TBX6: variants seen among roughly 807,000 people sequenced by gnomAD.
TBX6 encodes T-box transcription factor 6.
In TBX6, 29 loss-of-function variants were observed where a neutral mutation model predicts 42.3. The observed-to-expected ratio is 0.69, with a 90% CI of 0.51 to 0.93. The LOEUF is 0.93. TBX6 is among the 40% of genes least tolerant of loss of function. TBX6 has a pLI of 0.00. For synonymous variants in TBX6, 249 were observed against 245.1 expected, an observed-to-expected ratio of 1.02 and a Z score of -0.15; for missense variants, 569 against 603.3, an observed-to-expected ratio of 0.94 and a Z score of 0.59.
Position 30,086,686 on chromosome 16 carries a change from C to T in TBX6, c.923G>A (p.Gly308Asp). The part of the protein sequence containing the change: ...TEAYGSGDTP[G>D]GPCDSTLGGD... Reference sequence around the variant, plus strand: ...ACCCAGGGTGGAGTCGCAGGGACCACCTGGTGTGTCTGGGGAGAGGGAAGG... The same window carrying T: ...ACCCAGGGTGGAGTCGCAGGGACCATCTGGTGTGTCTGGGGAGAGGGAAGG... Residue 308 changes from glycine to aspartate, a missense_variant, in exon 8 of 9, where the codon GGT becomes GAT. Physicochemically the swap from Gly to Asp is moderately conservative, Grantham distance 94 (BLOSUM62 -1). Transcript: ENST00000395224. This position sits in a 1 kb window ranked among gnomAD's most constrained non-coding sequence, Gnocchi z 4.6. 1 of 1,612,296 alleles carries T rather than the reference C, an allele frequency of 6.2e-7. No individual in the cohort carries two copies. The highest frequency in any genetic ancestry group is 8.5e-7 in the Non-Finnish European group (1 of 1,179,228).
In TBX6 at chr16:30,086,547, C is replaced by T. The variant is rs79360759; in HGVS notation, c.1062G>A (p.Ala354=). ...PSAEAYLLHP[A]AFHGAPSHLP... ...GGTGACTGGGGGCCCCATGGAAAGC[C>T]GCAGGGTGCAGGAGGTAGGCCTCAG... Residue 354 remains alanine (A), a synonymous_variant, in exon 8 of 9, where the codon GCG becomes GCA. Coordinates refer to ENST00000395224, the MANE Select transcript of TBX6 (RefSeq NM_004608.4). This position sits in a 1 kb window ranked among gnomAD's most constrained non-coding sequence, Gnocchi z 4.6. The T allele has an allele frequency of 1.2e-4, 182 of 1,523,694 alleles. No individual in the cohort carries two copies. In the African/African-American group the frequency reaches 2.0e-3, roughly 17 times the overall value. The allele number at this position is 1,523,694 out of a possible 1,614,324, so 94.4% of individuals were successfully genotyped here.
At position 30,086,689 on chromosome 16, in the gene TBX6, GGT is replaced by G. The variant is rs1567340159; in HGVS notation, c.918_919del (p.Pro307ArgfsTer14). On this transcript the variant is annotated frameshift_variant, in exon 8 of 9. Coordinates refer to ENST00000395224, the MANE Select transcript of TBX6 (RefSeq NM_004608.4). LOFTEE classifies it high-confidence loss of function. This position sits in a 1 kb window ranked among gnomAD's most constrained non-coding sequence, Gnocchi z 4.6. ...CAGGGTGGAGTCGCAGGGACCACCT[GGT>G]GTGTCTGGGGAGAGGGAAGGGAGAG... 6.2e-7 allele frequency: 1 copy of G among 1,612,456 alleles called. No individual in the cohort carries two copies. Among genetic ancestry groups the G allele is most frequent in the Non-Finnish European group, 8.5e-7 (1 of 1,179,246 alleles).
chr16:30,089,106 C>T lies in TBX6; in HGVS notation c.458G>A (p.Trp153Ter), dbSNP rs1451121882. The change falls in exon 4 of 9, where the codon TGG (tryptophan) becomes TAG (stop). Residue 153 changes from tryptophan to a stop codon, truncating the protein, a stop_gained. Coordinates refer to ENST00000395224, the MANE Select transcript of TBX6 (RefSeq NM_004608.4). LOFTEE classifies it high-confidence loss of function. ...GCTGGGCTCCCAGCGCCGGCCCTGC[C>T]AGCGGTAGCGAGCCCCATCCACCGG... ...VIPVDGARYR[W>*]QGRRWEPSGK... 6.2e-7 allele frequency: 1 copy of T among 1,613,860 alleles called. No individual in the cohort carries two copies. The highest frequency in any genetic ancestry group is 8.5e-7 in the Non-Finnish European group (1 of 1,180,008).
Position 30,086,965 on chromosome 16 carries a change from C to T in TBX6, c.840-114G>A. The stretch of plus-strand genomic sequence containing the variant: ...CCCAGGGACCCTGTCAGGTAGGGGC[C>T]ATCATTATACCCATTTTATAGATGA... On this transcript the variant is annotated intron_variant, in intron 6 of 8. Coordinates refer to ENST00000395224, the MANE Select transcript of TBX6 (RefSeq NM_004608.4). The surrounding 1 kb of genome is among the most constrained non-coding windows in gnomAD (Gnocchi z 4.6). 8.7e-7 allele frequency: 1 copy of T among 1,148,154 alleles called. No homozygotes were observed. Among genetic ancestry groups the T allele is most frequent in the Non-Finnish European group, 1.2e-6 (1 of 811,360 alleles). The allele number at this position is 1,148,154 out of a possible 1,614,324, so 71.1% of individuals were successfully genotyped here.
In TBX6 at chr16:30,088,048, C is replaced by T. The variant is rs944839351; in HGVS notation, c.839+497G>A. The stretch of plus-strand genomic sequence containing the variant: ...CCACCTCCTGGGTTCAAGAGATTCT[C>T]CTGCCTCAGCCTCCCAAGTAGTTGG... On this transcript the variant is annotated intron_variant, in intron 6 of 8. Transcript: ENST00000395224. The surrounding 1 kb of genome is among the most constrained non-coding windows in gnomAD (Gnocchi z 4.1). 13 of 182,176 alleles carry T rather than the reference C, an allele frequency of 7.1e-5. No homozygotes were observed. The South Asian group carries it at 1.1e-3, about 15-fold the overall frequency. 11.3% of individuals were successfully genotyped at this position (182,176 alleles called of 1,614,324 possible). A position where few individuals can be genotyped will look rare whatever the true frequency, so the allele number is the denominator to read the frequency against.
chr16:30,086,539 T>C lies in TBX6; in HGVS notation c.1070A>G (p.His357Arg). Residue 357 changes from histidine to arginine, a missense_variant, in exon 8 of 9, where the codon CAT (histidine) becomes CGT (arginine). This residue lies in a region of TBX6 where 245 missense variants were observed against 227.4 expected (regional missense o/e 1.08). Transcript: ENST00000395224. The surrounding 1 kb of genome is among the most constrained non-coding windows in gnomAD (Gnocchi z 4.6). ...GGTGGGAAGGTGACTGGGGGCCCCA[T>C]GGAAAGCCGCAGGGTGCAGGAGGTA... ...EAYLLHPAAF[H>R]GAPSHLPTRS... 2 of 1,517,956 alleles carry C rather than the reference T, an allele frequency of 1.3e-6. No individual in the cohort carries two copies. Among genetic ancestry groups the C allele is most frequent in the Non-Finnish European group, 1.8e-6 (2 of 1,136,746 alleles). 94.0% of individuals were successfully genotyped at this position (1,517,956 alleles called of 1,614,324 possible). A position where few individuals can be genotyped will look rare whatever the true frequency, so the allele number is the denominator to read the frequency against.
chr16:30,086,718 T>A lies in TBX6; in HGVS notation c.914-23A>T. 1.2e-6 allele frequency: 2 copies of A among 1,611,962 alleles called. No homozygotes were observed. Among genetic ancestry groups the A allele is most frequent in the Non-Finnish European group, 1.7e-6 (2 of 1,178,994 alleles). On this transcript the variant is annotated intron_variant, in intron 7 of 8. Transcript: ENST00000395224. The surrounding 1 kb of genome is among the most constrained non-coding windows in gnomAD (Gnocchi z 4.6). The stretch of plus-strand genomic sequence containing the variant: ...TGTCTGGGGAGAGGGAAGGGAGAGG[T>A]TGGGCTAGGGAGGATCCCTGTCTCA...
In TBX6 at chr16:30,086,015, G is replaced by A. The variant is rs1374073546; in HGVS notation, c.*210C>T. 1.5e-5 allele frequency: 8 copies of A among 550,424 alleles called. No homozygotes were observed. Among genetic ancestry groups the A allele is most frequent in the Admixed American group, 1.1e-4 (3 of 26,956 alleles). 34.1% of individuals were successfully genotyped at this position (550,424 alleles called of 1,614,324 possible). ...AGGTGAGAGCCGGGAAGGGGAAGCC[G>A]GCCCCAGCTGGACTCCCAGCAGCCT... On this transcript the variant is annotated 3_prime_UTR_variant, in exon 9 of 9. Transcript: ENST00000395224. This position sits in a 1 kb window ranked among gnomAD's most constrained non-coding sequence, Gnocchi z 4.6.
rs200913126 is a variant in TBX6 at position 30,088,790 on chromosome 16, C to G, written c.671G>C (p.Arg224Pro). Residue 224 changes from arginine to proline, a missense_variant, in exon 5 of 9, where the codon CGG (arginine) becomes CCG (proline). Arg to Pro is a moderately radical substitution (Grantham distance 103). Transcript: ENST00000395224. This position sits in a 1 kb window ranked among gnomAD's most constrained non-coding sequence, Gnocchi z 4.1. ...HKYQPRIHLV[R>P]AAQLCSQHWG... ...GTGCTGGCTGCAGAGCTGGGCTGCC[C>G]GAACTAGGTGTATGCGGGGTTGGTA... 5.0e-6 allele frequency: 8 copies of G among 1,614,010 alleles called. No homozygotes were observed. Among genetic ancestry groups the G allele is most frequent in the Middle Eastern group, 3.3e-4 (2 of 6,062 alleles).
chr16:30,086,075 GA>G lies in TBX6; in HGVS notation c.*149del. Reference sequence around the variant, plus strand: ...TTTGAAGCCAGAGGGGGGTGGGAGTGAAATCAAGGTGTGAAGTTGAGGGGGT... The same window carrying G: ...TTTGAAGCCAGAGGGGGGTGGGAGTGAATCAAGGTGTGAAGTTGAGGGGGT... On this transcript the variant is annotated 3_prime_UTR_variant, in exon 9 of 9. Transcript: ENST00000395224. This position sits in a 1 kb window ranked among gnomAD's most constrained non-coding sequence, Gnocchi z 4.6. The G allele has an allele frequency of 1.5e-6, 1 of 652,940 alleles. No homozygotes were observed. The allele number at this position is 652,940 out of a possible 1,614,324, so 40.4% of individuals were successfully genotyped here.
chr16:30,089,321 T>C, intron 3 of TBX6, 111 bp from the exon 4 acceptor site: 1 of 1,387,112 alleles, frequency 7.2e-7, no homozygotes. Context: ...CAGAGAAACA[T>C]CAAAGGAGGT....
Position 30,088,218 on chromosome 16 carries a change from G to A in TBX6, c.839+327C>T, listed in dbSNP as rs1024373203. The A allele has an allele frequency of 2.2e-5, 8 of 366,958 alleles. No homozygotes were observed. The highest frequency in any genetic ancestry group is 8.0e-5 in the Admixed American group (2 of 24,886). 22.7% of individuals were successfully genotyped at this position (366,958 alleles called of 1,614,324 possible). ...CTCCCAGAGTGCTGGGATTACATGC[G>A]TGAGCCACCACACCTGGTCTCTCTT... On this transcript the variant is annotated intron_variant, in intron 6 of 8. Coordinates refer to ENST00000395224, the MANE Select transcript of TBX6 (RefSeq NM_004608.4). The surrounding 1 kb of genome is among the most constrained non-coding windows in gnomAD (Gnocchi z 4.1).
chr16:30,091,279 C>T, intron 1 of TBX6, 38 bp from the exon 2 acceptor site: 1 of 1,124,472 alleles, frequency 8.9e-7, no homozygotes, highest in Non-Finnish European at 1.2e-6. Context: ...AGCTCAGCCC[C>T]TTCCAGATCC....
chr16:30,088,272 CATTTT>C lies in TBX6; in HGVS notation c.839+268_839+272del, dbSNP rs2072669409. 4.1e-6 allele frequency: 2 copies of C among 490,330 alleles called. No homozygotes were observed. Among genetic ancestry groups the C allele is most frequent in the Admixed American group, 3.3e-5 (1 of 30,268 alleles). 30.4% of individuals were successfully genotyped at this position (490,330 alleles called of 1,614,324 possible). On this transcript the variant is annotated intron_variant, in intron 6 of 8. Transcript: ENST00000395224. The surrounding 1 kb of genome is among the most constrained non-coding windows in gnomAD (Gnocchi z 4.1). The stretch of plus-strand genomic sequence containing the variant: ...TTTAGAATGGCTTCCTAACAGATGA[CATTTT>C]ATTTATTTCTCTTGTCTGCTTGTCT...
Position 30,091,261 on chromosome 16 carries a change from T to C in TBX6, c.-48-20A>G. On this transcript the variant is annotated intron_variant, in intron 1 of 8. Coordinates refer to ENST00000395224, the MANE Select transcript of TBX6 (RefSeq NM_004608.4). Reference sequence around the variant, plus strand: ...CCGGTGCTGCGAGATGCCCCCTTTATAGCTCACAGCTCAGCCCCTTCCAGA... The same window carrying C: ...CCGGTGCTGCGAGATGCCCCCTTTACAGCTCACAGCTCAGCCCCTTCCAGA... The C allele has an allele frequency of 8.0e-7, 1 of 1,246,870 alleles. No individual in the cohort carries two copies. The highest frequency in any genetic ancestry group is 1.1e-6 in the Non-Finnish European group (1 of 911,056). 77.2% of individuals were successfully genotyped at this position (1,246,870 alleles called of 1,614,324 possible).
chr16:30,091,316 G>C, intron 1 of TBX6, 75 bp from the exon 2 acceptor site: 1 of 880,084 alleles, frequency 1.1e-6, no homozygotes, highest in East Asian at 2.7e-5. Context: ...CCCTCTTTGG[G>C]GCCCTGGAGT....
Position 30,089,160 on chromosome 16 carries a change from G to C in TBX6, c.404C>G (p.Ala135Gly). The C allele has an allele frequency of 6.2e-7, 1 of 1,614,082 alleles. No individual in the cohort carries two copies. Among genetic ancestry groups the C allele is most frequent in the Non-Finnish European group, 8.5e-7 (1 of 1,180,024 alleles). ...CACATCCAGAAGAAACAAGTAGCGGGCCTCGGGGTCCAGGCCAGTGACTGA... is the reference window on the plus strand; with the variant it reads ...CACATCCAGAAGAAACAAGTAGCGGCCCTCGGGGTCCAGGCCAGTGACTGA... ...RVSVTGLDPE[A>G]RYLFLLDVIP... The change falls in exon 4 of 9, where the codon GCC (alanine) becomes GGC (glycine). Residue 135 changes from alanine to glycine, a missense_variant. Ala to Gly is a moderately conservative substitution (Grantham distance 60). This residue lies in a region of TBX6 where 190 missense variants were observed against 250.6 expected (regional missense o/e 0.76). Transcript: ENST00000395224.
chr16:30,089,288 A>G, intron 3 of TBX6, 78 bp from the exon 4 acceptor site: 1 of 1,529,478 alleles, frequency 6.5e-7, no homozygotes, highest in Non-Finnish European at 8.8e-7. Context: ...AACGGGACAT[A>G]ACAACGGGCT....
At chr16:30,087,224 T>C (rs1333859693) in intron 6 of TBX6, among the ~76,000 whole-genome samples, 1 of 152,074 alleles carries the variant, frequency 6.6e-6, no homozygotes, top group Admixed American at 6.5e-5. Context: ...GTCCTTTTTC[T>C]TTTCATTTTT....
Sources: allele counts gnomAD v4.1 joint callset (sites outside exome capture counted in the v4.1 genomes callset), GRCh38; gene constraint gnomAD v4.1.1; regional missense constraint gnomAD v4.1.1; non-coding constraint Gnocchi (gnomAD v3.1); transcripts MANE v1.5; gene names NCBI Gene and HGNC (gene_info 2026-07-23, HGNC 2026-07-21).